Variants in PSME4 observed in about 807,000 individuals in gnomAD.
The protein encoded by PSME4 is proteasome activator subunit 4, also known as proteasome activator complex subunit 4.
PSME4 carries 89 observed loss-of-function variants against 253.9 expected under a neutral mutation model. The ratio of observed to expected loss-of-function variants is 0.35; its 90% CI spans 0.30 to 0.42. The LOEUF is 0.42. Ranked by LOEUF, PSME4 falls within the 10% of genes least tolerant of loss-of-function variation. The pLI is 1.00. For synonymous variants in PSME4, 851 were observed against 759.2 expected (o/e 1.12, Z -1.99); for missense variants, 2,014 against 2,195.2 (o/e 0.92, Z 1.65).
At chr2:53,910,271 A>G in intron 20 of PSME4, 141 bp from the exon 21 acceptor site, 1 of 687,896 alleles carries the variant, frequency 1.5e-6, no homozygotes, top group South Asian at 1.8e-5. Flanking sequence ...CTTCAATGGG[A>G]AAAATCAATC....
At chr2:53,911,897 A>G (rs533821627) in intron 20 of PSME4, among the ~76,000 whole-genome samples, 2 of 152,348 alleles carry the variant, frequency 1.3e-5, no homozygotes, top group East Asian at 3.9e-4. Flanking sequence ...AACAAGTTTC[A>G]TCTAAGAGTC....
At chr2:53,897,845 A>T in intron 31 of PSME4, 25 bp downstream of exon 31, 1 of 1,608,870 alleles carries the variant, frequency 6.2e-7, no homozygotes, top group Non-Finnish European at 8.5e-7. Flanking sequence ...CAAACCCAAG[A>T]CTGTAGCTAA....
In PSME4 at chr2:53,939,819, C is replaced by T. The variant is rs535495705; in HGVS notation, c.545+137G>A. On this transcript the variant is annotated intron_variant, in intron 4 of 46. Transcript: ENST00000404125. ...AGAAGTTCAGTTAATGAACTGGAAA[C>T]GGTATGTTGTGCTCAGTGACTAACA... The T allele has an allele frequency of 9.5e-5, 58 of 612,094 alleles. No individual in the cohort carries two copies. The Admixed American group carries it at 1.1e-3, about 12-fold the overall frequency. The allele number at this position is 612,094 out of a possible 1,614,324, so 37.9% of individuals were successfully genotyped here.
chr2:53,964,184 A>G (rs1473385948), intron 1 of PSME4, among the ~76,000 whole-genome samples: 2 of 152,180 alleles, frequency 1.3e-5, no homozygotes, highest in Non-Finnish European at 2.9e-5. Context: ...GAAAACAGTA[A>G]GGGCCTCAAA....
At chr2:53,966,310 C>T (rs1274869066) in intron 1 of PSME4, among the ~76,000 whole-genome samples, 1 of 151,974 alleles carries the variant, frequency 6.6e-6, no homozygotes, top group Non-Finnish European at 1.5e-5. Context: ...AAAAATAAAA[C>T]ACTCCACTAC....
chr2:53,869,493 T>C lies in PSME4; in HGVS notation c.5146A>G (p.Asn1716Asp). 14 of 1,582,808 alleles carry C rather than the reference T, an allele frequency of 8.8e-6. No individual in the cohort carries two copies. Among genetic ancestry groups the C allele is most frequent in the Non-Finnish European group, 1.1e-5 (13 of 1,158,056 alleles). ...ATAGGACTGTCCATGGTAAGAAAGTTACACTGTAGCAGACCGCTTAAGGTA... is the reference window on the plus strand; with the variant it reads ...ATAGGACTGTCCATGGTAAGAAAGTCACACTGTAGCAGACCGCTTAAGGTA... ...ATTLSGLLQC[N>D]FLTMDSPMQI... The change falls in exon 44 of 47, where the codon AAC (asparagine) becomes GAC (aspartate). Residue 1716 changes from asparagine to aspartate, a missense_variant. Physicochemically the swap from Asn to Asp is conservative, Grantham distance 23. Around this residue, in one of 4 missense-constraint regions of PSME4, gnomAD observed 403 missense variants for 556.1 expected, o/e 0.72. Coordinates refer to ENST00000404125, the MANE Select transcript of PSME4 (RefSeq NM_014614.3).
At position 53,927,488 on chromosome 2, in the gene PSME4, G is replaced by A; in HGVS notation, c.1504-5C>T. On this transcript the variant is annotated splice_polypyrimidine_tract_variant and splice_region_variant and intron_variant, in intron 11 of 46. Transcript: ENST00000404125. ...TGCTATGAACTGGAATGTGATCTGT[G>A]GAAACATACAAAGGATTTTCAACAT... is the stretch of plus-strand genomic sequence containing the variant. 6.4e-7 allele frequency: 1 copy of A among 1,555,958 alleles called. No individual in the cohort carries two copies. The highest frequency in any genetic ancestry group is 1.1e-5 in the South Asian group (1 of 89,796).
intron 21 of PSME4, among the ~76,000 whole-genome samples, chr2:53,909,098 C>CT (rs1469871863): frequency 6.6e-5 from 10 of 151,942 alleles, no homozygotes; most frequent in Non-Finnish European, 1.3e-4. Flanking sequence ...ATAAAATGAC[C>CT]TGCTTATAAA....
rs1678496869 is a variant in PSME4, at chr2:53,864,921, C to T, written c.*657G>A. On this transcript the variant is annotated 3_prime_UTR_variant, in exon 47 of 47. Transcript: ENST00000404125. ...TCACACATTGAATACACACAACAAT[C>T]AGATTTCTTCACCAAACCCCCAATT... 3 of 152,604 alleles carry T rather than the reference C, an allele frequency of 2.0e-5. No homozygotes were observed. Among genetic ancestry groups the T allele is most frequent in the African/African-American group, 7.2e-5 (3 of 41,448 alleles). 9.5% of individuals were successfully genotyped at this position (152,604 alleles called of 1,614,324 possible).
chr2:53,882,823 T>C (rs918125808), intron 41 of PSME4, among the ~76,000 whole-genome samples: 6 of 150,230 alleles, frequency 4.0e-5, no homozygotes, highest in Admixed American at 3.3e-4. Context: ...ATTGGGTTCA[T>C]AAAAGGGAAG....
rs1249174434 is a variant in PSME4, at chr2:53,865,432, G to C, written c.*146C>G. On this transcript the variant is annotated 3_prime_UTR_variant, in exon 47 of 47. Transcript: ENST00000404125. ...GGCAACTGAGAAGCTGTGGAATGCA[G>C]ACTAACGAGATCTAACACAGAAACC... 6.6e-6 allele frequency: 1 copy of C among 152,098 alleles called. No individual in the cohort carries two copies. The highest frequency in any genetic ancestry group is 6.6e-5 in the Admixed American group (1 of 15,266). 9.4% of individuals were successfully genotyped at this position (152,098 alleles called of 1,614,324 possible). A position where few individuals can be genotyped will look rare whatever the true frequency, so the allele number is the denominator to read the frequency against.
chr2:53,940,974 TATA>T (rs1558414021), intron 3 of PSME4, among the ~76,000 whole-genome samples: 1 of 62,632 alleles, frequency 1.6e-5, no homozygotes, highest in African/African-American at 4.6e-5. Context: ...TATATATATA[TATA>T]TATATATATA....
intron 40 of PSME4, among the ~76,000 whole-genome samples, chr2:53,886,512 A>G (rs1360492937): frequency 6.6e-6 from 1 of 152,260 alleles, no homozygotes; most frequent in Non-Finnish European, 1.5e-5. Flanking sequence ...ATACCTCTTC[A>G]TACCCACTAA....
chr2:53,884,415 T>C (rs1679543731), intron 41 of PSME4, among the ~76,000 whole-genome samples: 1 of 152,186 alleles, frequency 6.6e-6, no homozygotes, highest in South Asian at 2.1e-4. Flanking sequence ...TTCACCATGT[T>C]GGCCAGGATG....
chr2:53,940,865 T>TAC (rs1225968204), intron 3 of PSME4, among the ~76,000 whole-genome samples: 3,588 of 135,970 alleles, frequency 0.026, 334 homozygotes, highest in South Asian at 0.035. Flanking sequence ...ATATATATAA[T>TAC]ATATATTTAA....
At position 53,931,821 on chromosome 2, in the gene PSME4, C is replaced by T. The variant is rs1668844869; in HGVS notation, c.1316+14G>A. 1 of 1,612,714 alleles carries T rather than the reference C, an allele frequency of 6.2e-7. No individual in the cohort carries two copies. The highest frequency in any genetic ancestry group is 8.5e-7 in the Non-Finnish European group (1 of 1,179,142). On this transcript the variant is annotated intron_variant, in intron 10 of 46. Coordinates refer to ENST00000404125, the MANE Select transcript of PSME4 (RefSeq NM_014614.3). ...AAAACCTAGCTGTGGCTGAGACTCC[C>T]ACTAACCACTTACCTTTCAAGTACA...
At chr2:53,968,862 T>C (rs1670875015) in intron 1 of PSME4, among the ~76,000 whole-genome samples, 1 of 152,200 alleles carries the variant, frequency 6.6e-6, no homozygotes, top group South Asian at 2.1e-4. Flanking sequence ...CCAAACTTGT[T>C]AACAATAAAT....
chr2:53,914,248 T>C (rs545854681), intron 20 of PSME4, among the ~76,000 whole-genome samples: 18 of 152,274 alleles, frequency 1.2e-4, no homozygotes, highest in African/African-American at 4.3e-4. Context: ...ATTTAGAGAA[T>C]GGACTGCAAA....
At chr2:53,948,283 G>A in intron 3 of PSME4, 138 bp downstream of exon 3, 1 of 664,132 alleles carries the variant, frequency 1.5e-6, no homozygotes, top group South Asian at 1.8e-5. Context: ...AATTGTTTCA[G>A]GAGTCAAATT....
Sources: gnomAD v4.1 joint callset for allele counts (sites outside exome capture counted in the v4.1 genomes callset) on GRCh38, gnomAD v4.1.1 for gene constraint, gnomAD v4.1.1 regional missense constraint, MANE v1.5 for transcripts, NCBI Gene and HGNC (gene_info 2026-07-23, HGNC 2026-07-21) for gene names.